Variants in EEF2K observed in about 807,000 individuals in gnomAD.
EEF2K encodes the protein alternative protein EEF2K.
EEF2K carries 70 observed loss-of-function variants against 93.8 expected under a neutral mutation model. The observed-to-expected ratio is 0.75, with a 90% CI of 0.62 to 0.91. The LOEUF is 0.91. Ranked by LOEUF, EEF2K falls within the 40% of genes least tolerant of loss-of-function variation. The pLI is 0.00. For synonymous variants in EEF2K, 376 were observed against 380.8 expected (o/e 0.99, Z 0.15); for missense variants, 935 against 972.9 (o/e 0.96, Z 0.52).
intron 15 of EEF2K, among the ~76,000 whole-genome samples, chr16:22,268,574 C>T (rs1310654643): frequency 6.6e-6 from 1 of 152,086 alleles, no homozygotes; most frequent in African/African-American, 2.4e-5. Context: ...TCAAGCGATC[C>T]TCCTGCCTCA....
intron 6 of EEF2K, 86 bp downstream of exon 6, chr16:22,251,408 T>C: frequency 1.4e-6 from 2 of 1,451,300 alleles, no homozygotes; most frequent in Non-Finnish European, 1.8e-6. Context: ...GAATCCCTAT[T>C]TCACCTTCTT....
intron 2 of EEF2K, among the ~76,000 whole-genome samples, chr16:22,242,451 T>C (rs1318617215): frequency 1.3e-5 from 2 of 151,792 alleles, no homozygotes; most frequent in Admixed American, 1.3e-4. Context: ...CTCCCGAGTA[T>C]CTGGGATTAC....
intron 2 of EEF2K, among the ~76,000 whole-genome samples, chr16:22,242,760 C>T (rs1009219591): frequency 1.3e-5 from 2 of 152,112 alleles, no homozygotes; most frequent in Non-Finnish European, 1.5e-5. Flanking sequence ...TTCCTGCATC[C>T]CACAAGATCT....
At chr16:22,217,954 C>A (rs1464172458) in intron 1 of EEF2K, among the ~76,000 whole-genome samples, 1 of 152,202 alleles carries the variant, frequency 6.6e-6, no homozygotes, top group East Asian at 1.9e-4. Context: ...TTCTCTTTCT[C>A]TGGTTCTGCC....
At chr16:22,233,200 C>T (rs1598173205) in intron 2 of EEF2K, among the ~76,000 whole-genome samples, 1 of 152,118 alleles carries the variant, frequency 6.6e-6, no homozygotes, top group Non-Finnish European at 1.5e-5. Context: ...GAAACTCGCA[C>T]GTACACATAC....
At chr16:22,227,127 A>T (rs1250114755) in intron 2 of EEF2K, among the ~76,000 whole-genome samples, 2 of 152,226 alleles carry the variant, frequency 1.3e-5, no homozygotes, top group East Asian at 1.9e-4. Context: ...TGAACCTGGG[A>T]GGTGGAAGTT....
At chr16:22,266,195 C>G (rs2047515897) in intron 13 of EEF2K, among the ~76,000 whole-genome samples, 195 bp from the exon 14 acceptor site, 2 of 151,324 alleles carry the variant, frequency 1.3e-5, no homozygotes, top group South Asian at 4.2e-4. Context: ...GCACTCCAAC[C>G]TGGGCAATAG....
At chr16:22,246,181 A>T (rs2047289176) in intron 3 of EEF2K, among the ~76,000 whole-genome samples, 1 of 152,166 alleles carries the variant, frequency 6.6e-6, no homozygotes. Flanking sequence ...GAACTCAGGG[A>T]AACACTTACT....
chr16:22,261,030 A>T (rs927811289), intron 11 of EEF2K, among the ~76,000 whole-genome samples: 1 of 152,200 alleles, frequency 6.6e-6, no homozygotes. Flanking sequence ...AATGTATATT[A>T]TGGCAAATTA....
At position 22,255,235 on chromosome 16, in the gene EEF2K, T is replaced by C. The variant is rs563293047; in HGVS notation, c.619-1513T>C. 3.9e-5 allele frequency among the ~76,000 whole-genome samples: 6 copies of C among 152,312 alleles called. No individual in the cohort carries two copies. In the South Asian group the frequency reaches 1.2e-3, roughly 32 times the overall value. ...CACAGTTTTACTGTAAGGCATAGTCTAAGTTGCTTAGCAAACAGACCCACA... is the reference window on the plus strand; with the variant it reads ...CACAGTTTTACTGTAAGGCATAGTCCAAGTTGCTTAGCAAACAGACCCACA... On this transcript the variant is annotated intron_variant, in intron 6 of 17. Transcript: ENST00000263026.
chr16:22,276,050 TCCTCCTGCTTAAG>T (rs1191006569), intron 16 of EEF2K, among the ~76,000 whole-genome samples: 4 of 152,272 alleles, frequency 2.6e-5, no homozygotes, highest in Non-Finnish European at 5.9e-5. Context: ...GCTCAAGTGA[TCCTCCTGCTTAAG>T]CCTCCTGCGT....
chr16:22,246,097 C>CT (rs1213612402), intron 3 of EEF2K, among the ~76,000 whole-genome samples: 1 of 152,170 alleles, frequency 6.6e-6, no homozygotes, highest in Admixed American at 6.5e-5. Context: ...TTCACCTGTG[C>CT]TTCTGACCAG....
chr16:22,257,141 CTATA>C, intron 7 of EEF2K, 108 bp from the exon 8 acceptor site: 1 of 1,549,168 alleles, frequency 6.5e-7, no homozygotes, highest in Non-Finnish European at 8.7e-7. Context: ...GTCTTTTCCT[CTATA>C]TAACTCCTTG....
chr16:22,257,516 T>C, intron 8 of EEF2K, 127 bp from the exon 9 acceptor site: 1 of 1,545,380 alleles, frequency 6.5e-7, no homozygotes, highest in Non-Finnish European at 8.7e-7. Flanking sequence ...GATGGGAGCC[T>C]GGATGTCTGA....
intron 2 of EEF2K, 85 bp from the exon 3 acceptor site, chr16:22,244,545 A>T (rs1487116227): frequency 2.3e-6 from 3 of 1,303,046 alleles, no homozygotes; most frequent in African/African-American, 2.9e-5. Flanking sequence ...CTCCAGAGGA[A>T]ATAACAGGGC....
intron 10 of EEF2K, chr16:22,258,964 A>T: frequency 2.7e-6 from 1 of 373,122 alleles, no homozygotes; most frequent in Admixed American, 4.4e-5. Context: ...TTGACAAACT[A>T]AAAAAGAAAA....
At chr16:22,239,871 G>A (rs1056026070) in intron 2 of EEF2K, among the ~76,000 whole-genome samples, 4 of 152,172 alleles carry the variant, frequency 2.6e-5, no homozygotes, top group Admixed American at 1.3e-4. Context: ...TTGGGAGGCC[G>A]AGGCAGGCGG....
rs1055733867 is a variant in EEF2K, at chr16:22,284,944, C to T, written c.*948C>T. 2.0e-5 allele frequency: 3 copies of T among 152,492 alleles called. No individual in the cohort carries two copies. Among genetic ancestry groups the T allele is most frequent in the African/African-American group, 7.2e-5 (3 of 41,388 alleles). 9.4% of individuals were successfully genotyped at this position (152,492 alleles called of 1,614,324 possible). A position where few individuals can be genotyped will look rare whatever the true frequency, so the allele number is the denominator to read the frequency against. ...TTGGCTGTTTTTTAAACTTCTAGTT[C>T]AATTTCCTTCCATAATGCTACTGAT... On this transcript the variant is annotated 3_prime_UTR_variant, in exon 18 of 18. Transcript: ENST00000263026.
At chr16:22,212,604 G>A (rs973076953) in intron 1 of EEF2K, among the ~76,000 whole-genome samples, 16 of 152,108 alleles carry the variant, frequency 1.1e-4, no homozygotes, top group African/African-American at 3.9e-4. Context: ...ACAGTCGTGA[G>A]CCACCGCACC....
Sources: gnomAD v4.1 joint callset for allele counts (sites outside exome capture counted in the v4.1 genomes callset) on GRCh38, gnomAD v4.1.1 for gene constraint, MANE v1.5 for transcripts, NCBI Gene and HGNC (gene_info 2026-07-23, HGNC 2026-07-21) for gene names.